The following DHX30 variants were observed in gnomAD, a reference collection of about 807,000 sequenced individuals.
DHX30 encodes DExH-box helicase 30, also known as ATP-dependent RNA helicase DHX30.
Under a neutral mutation model 116.9 loss-of-function variants are expected in DHX30, and 4 were observed. That is an observed-to-expected ratio of 0.03 (90% confidence interval 0.02 to 0.08). The LOEUF (loss-of-function observed/expected upper bound fraction) is 0.08. DHX30 is among the 10% of genes least tolerant of loss of function. The probability of loss-of-function intolerance (pLI) is 1.00; values close to 1 mark genes in which losing one functional copy is unlikely to be tolerated. For missense variants in DHX30, 871 were observed against 1,595.1 expected, an observed-to-expected ratio of 0.55 and a Z score of 7.73; for synonymous variants, 697 against 651.7, an observed-to-expected ratio of 1.07 and a Z score of -1.06.
At chr3:47,839,108 T>C (rs1175897472) in intron 6 of DHX30, among the ~76,000 whole-genome samples, 1 of 152,016 alleles carries the variant, frequency 6.6e-6, no homozygotes, top group Non-Finnish European at 1.5e-5. Context: ...GATGCTTAGG[T>C]GGCCAACATG....
At chr3:47,811,350 C>T (rs1287533931) in intron 3 of DHX30, among the ~76,000 whole-genome samples, 1 of 152,128 alleles carries the variant, frequency 6.6e-6, no homozygotes, top group East Asian at 1.9e-4. Context: ...TCCAATCTTC[C>T]TCGGTACCAT....
At position 47,847,832 on chromosome 3, in the gene DHX30, C is replaced by A. The variant is rs769138707; in HGVS notation, c.2162C>A (p.Pro721Gln). 2 of 1,614,222 alleles carry A rather than the reference C, an allele frequency of 1.2e-6. No individual in the cohort carries two copies. The highest frequency in any genetic ancestry group is 2.2e-5 in the South Asian group (2 of 91,082). ...MDQKAIFQQPPVGVRKIVLAT... is the reference protein window; with the variant it reads ...MDQKAIFQQPQVGVRKIVLAT... ...CAGAAGGCCATATTCCAGCAGCCTC[C>A]AGTTGGGGTGCGCAAGATTGTCTTG... Residue 721 changes from proline to glutamine, a missense_variant, in exon 14 of 22, where the codon CCA becomes CAA. This residue lies in a region of DHX30 where 49 missense variants were observed against 60.9 expected (regional missense o/e 0.80). Transcript: ENST00000445061. The surrounding 1 kb of genome is among the most constrained non-coding windows in gnomAD (Gnocchi z 5.5).
At chr3:47,831,930 C>CTTT (rs147733795) in intron 6 of DHX30, among the ~76,000 whole-genome samples, 2 of 127,464 alleles carry the variant, frequency 1.6e-5, no homozygotes, top group Non-Finnish European at 3.2e-5. Context: ...TTTCCTTTTT[C>CTTT]TTTTTTTTTT....
chr3:47,819,356 T>C (rs1394933267), intron 4 of DHX30: 5 of 1,179,680 alleles, frequency 4.2e-6, no homozygotes, highest in Non-Finnish European at 5.9e-6. Flanking sequence ...CAGTGCCTTC[T>C]TGAGCACACG....
Position 47,846,656 on chromosome 3 carries a change from A to G in DHX30, c.1584A>G (p.Arg528=). 6.2e-7 allele frequency: 1 copy of G among 1,613,984 alleles called. No individual in the cohort carries two copies. The highest frequency in any genetic ancestry group is 2.2e-5 in the East Asian group (1 of 44,864). ...QVRLESKPPS[R]GGALLFCTVG... ...GGTTGGAAAGTAAGCCCCCATCCCGAGGCGGGGCCCTGCTCTTCTGCACTG... is the reference window on the plus strand; with the variant it reads ...GGTTGGAAAGTAAGCCCCCATCCCGGGGCGGGGCCCTGCTCTTCTGCACTG... The change falls in exon 11 of 22, where the codon CGA becomes CGG. Residue 528 remains arginine, a synonymous_variant. Transcript: ENST00000445061.
chr3:47,837,477 G>A (rs369778420), intron 6 of DHX30, among the ~76,000 whole-genome samples: 3 of 152,140 alleles, frequency 2.0e-5, no homozygotes, highest in African/African-American at 7.2e-5. Flanking sequence ...TTTCTTCAAC[G>A]GTATTAGAGG....
intron 4 of DHX30, among the ~76,000 whole-genome samples, chr3:47,822,739 C>T (rs2036353781): frequency 6.6e-6 from 1 of 151,430 alleles, no homozygotes; most frequent in Admixed American, 6.6e-5. Context: ...GAGCCGAGAT[C>T]GTGCCAGTGC....
rs1221378551 is a variant in DHX30, at chr3:47,835,149, AT to A, written c.367-5727del. Among the ~76,000 whole-genome samples, 8 of 148,264 alleles carry A rather than the reference AT, an allele frequency of 5.4e-5. No individual in the cohort carries two copies. In the East Asian group the frequency reaches 1.4e-3, roughly 26 times the overall value. ...CTCCCGAGTGCCTGGGATTACAGGC[AT>A]GTGCCATCATGCCTGGCTAATTTTT... is the stretch of plus-strand genomic sequence containing the variant. On this transcript the variant is annotated intron_variant, in intron 6 of 21. Coordinates refer to ENST00000445061, the MANE Select transcript of DHX30 (RefSeq NM_138615.3).
In DHX30 at chr3:47,845,621, G is replaced by A. The variant is rs529255560; in HGVS notation, c.940-79G>A. 2.7e-5 allele frequency: 37 copies of A among 1,388,316 alleles called. No individual in the cohort carries two copies. In the Middle Eastern group the frequency reaches 7.8e-4, roughly 29 times the overall value. The allele number at this position is 1,388,316 out of a possible 1,614,324, so 86.0% of individuals were successfully genotyped here. ...AGAGATTACTTGGCACAACTTATGC[G>A]TTGGAGCTCCTGAGCTTGTCTGGGC... On this transcript the variant is annotated intron_variant, in intron 9 of 21. Coordinates refer to ENST00000445061, the MANE Select transcript of DHX30 (RefSeq NM_138615.3).
intron 3 of DHX30, chr3:47,816,974 T>G (rs2036088417): frequency 1.0e-6 from 1 of 984,626 alleles, no homozygotes; most frequent in Non-Finnish European, 1.2e-6. Context: ...ATAATTCTAC[T>G]CCTGCTTTTT....
chr3:47,815,144 A>G (rs566508648), intron 3 of DHX30, among the ~76,000 whole-genome samples: 4 of 152,260 alleles, frequency 2.6e-5, no homozygotes, highest in Non-Finnish European at 5.9e-5. Context: ...AGTTTCATTG[A>G]CTGGGGCTTG....
Position 47,847,712 on chromosome 3 carries a change from C to A in DHX30, c.2111-69C>A. 1 of 1,558,218 alleles carries A rather than the reference C, an allele frequency of 6.4e-7. No individual in the cohort carries two copies. The highest frequency in any genetic ancestry group is 8.7e-7 in the Non-Finnish European group (1 of 1,147,198). Reference sequence around the variant, plus strand: ...TCAAAATGGGGTCAAAATCCTTGCCCTGCCCACATTCCAGGGGGGAATTCT... The same window carrying A: ...TCAAAATGGGGTCAAAATCCTTGCCATGCCCACATTCCAGGGGGGAATTCT... On this transcript the variant is annotated intron_variant, in intron 13 of 21. Transcript: ENST00000445061. The surrounding 1 kb of genome is among the most constrained non-coding windows in gnomAD (Gnocchi z 5.5).
chr3:47,812,665 T>C (rs1195976577), intron 3 of DHX30, among the ~76,000 whole-genome samples: 2 of 146,488 alleles, frequency 1.4e-5, no homozygotes, highest in African/African-American at 5.0e-5. Context: ...TACATTTCCT[T>C]TTTTTTTTTT....
At chr3:47,841,251 T>C in intron 7 of DHX30, 73 bp downstream of exon 7, 2 of 1,557,590 alleles carry the variant, frequency 1.3e-6, no homozygotes, top group Non-Finnish European at 1.7e-6. Flanking sequence ...TGTTCTCTGC[T>C]AGCTTTCTCT....
At chr3:47,834,393 T>C (rs1443931194) in intron 6 of DHX30, among the ~76,000 whole-genome samples, 3 of 152,156 alleles carry the variant, frequency 2.0e-5, no homozygotes, top group African/African-American at 7.2e-5. Flanking sequence ...TGTGAGCCAC[T>C]ACTCCTGGCC....
chr3:47,843,022 T>C (rs2107118763), intron 8 of DHX30, 84 bp from the exon 9 acceptor site: 2 of 1,533,724 alleles, frequency 1.3e-6, no homozygotes, highest in East Asian at 2.3e-5. Flanking sequence ...ATTCTGTCTC[T>C]GGGCTCCTTG....
intron 5 of DHX30, 57 bp downstream of exon 5, chr3:47,827,534 G>A: frequency 6.4e-7 from 1 of 1,567,772 alleles, no homozygotes; most frequent in Non-Finnish European, 8.6e-7. Context: ...GAGGCTGTTT[G>A]TCCTTTCTGT....
chr3:47,817,861 CGTT>C (rs757179781), intron 3 of DHX30, 158 bp from the exon 4 acceptor site: 231 of 705,002 alleles, frequency 3.3e-4, no homozygotes, highest in Admixed American at 9.3e-4. Flanking sequence ...TCCTGTGTGG[CGTT>C]GTTAGTGCTG....
chr3:47,816,112 G>A (rs1445852479), intron 3 of DHX30: 30 of 984,472 alleles, frequency 3.0e-5, no homozygotes, highest in Non-Finnish European at 3.3e-5. Context: ...CTACAAGCAC[G>A]TCTGCTGTAA....
Sources: allele counts gnomAD v4.1 joint callset (sites outside exome capture counted in the v4.1 genomes callset), GRCh38; gene constraint gnomAD v4.1.1; regional missense constraint gnomAD v4.1.1; non-coding constraint Gnocchi (gnomAD v3.1); transcripts MANE v1.5; gene names NCBI Gene and HGNC (gene_info 2026-07-23, HGNC 2026-07-21).